Variants in IPO13 observed in about 807,000 individuals in gnomAD.
The protein encoded by IPO13 is importin-13.
Under a neutral mutation model 115.5 loss-of-function variants are expected in IPO13, and 28 were observed. The ratio of observed to expected loss-of-function variants is 0.24; its 90% CI spans 0.18 to 0.33. IPO13 has a LOEUF of 0.33. Ranked by LOEUF, IPO13 falls within the 10% of genes least tolerant of loss-of-function variation. The pLI is 1.00. For missense variants in IPO13, 785 were observed against 1,204.6 expected (o/e 0.65, Z 5.16); for synonymous variants, 414 against 478.9 (o/e 0.86, Z 1.77).
chr1:43,959,052 C>G (rs1223310008), intron 11 of IPO13, among the ~76,000 whole-genome samples, 163 bp downstream of exon 11: 1 of 152,198 alleles, frequency 6.6e-6, no homozygotes, highest in East Asian at 1.9e-4. Context: ...CATGAATGAC[C>G]TATAATTGCC....
rs370459141 is a variant in IPO13, at chr1:43,957,563, C to T, written c.1540+14C>T. 6 of 1,613,804 alleles carry T rather than the reference C, an allele frequency of 3.7e-6. No individual in the cohort carries two copies. The highest frequency in any genetic ancestry group is 2.2e-5 in the South Asian group (2 of 91,026). On this transcript the variant is annotated intron_variant, in intron 7 of 19. Coordinates refer to ENST00000372343, the MANE Select transcript of IPO13 (RefSeq NM_014652.4). ...TGTTCACCATTGGTGAGACCTGGCA[C>T]ACACCCATGACCATATTCCCAGAGC...
chr1:43,964,819 T>A (rs144962698), intron 15 of IPO13, among the ~76,000 whole-genome samples: 5 of 152,256 alleles, frequency 3.3e-5, no homozygotes, highest in African/African-American at 1.2e-4. Context: ...GTTGGAGAGG[T>A]TGAGCTGCTG....
chr1:43,956,998 C>T lies in IPO13; in HGVS notation c.1271+22C>T, dbSNP rs2085255361. Reference sequence around the variant, plus strand: ...ACAGGTGATGGTAGCAGGCCAACTCCTCTAAAATGGAGTCCAGAAATAATG... The same window carrying T: ...ACAGGTGATGGTAGCAGGCCAACTCTTCTAAAATGGAGTCCAGAAATAATG... On this transcript the variant is annotated intron_variant, in intron 5 of 19. Coordinates refer to ENST00000372343, the MANE Select transcript of IPO13 (RefSeq NM_014652.4). This position sits in a 1 kb window ranked among gnomAD's most constrained non-coding sequence, Gnocchi z 4.7. The T allele has an allele frequency of 6.2e-7, 1 of 1,610,764 alleles. No homozygotes were observed. The highest frequency in any genetic ancestry group is 8.5e-7 in the Non-Finnish European group (1 of 1,178,316).
At chr1:43,950,332 C>T (rs905438542) in intron 2 of IPO13, among the ~76,000 whole-genome samples, 179 bp downstream of exon 2, 6 of 152,228 alleles carry the variant, frequency 3.9e-5, no homozygotes, top group Non-Finnish European at 7.3e-5. Context: ...GGGAGGCAGA[C>T]ATTAAACAAC....
chr1:43,962,663 T>C (rs184256390), intron 14 of IPO13, among the ~76,000 whole-genome samples: 47 of 152,348 alleles, frequency 3.1e-4, no homozygotes, highest in African/African-American at 1.1e-3. Context: ...TGCCCTTTAC[T>C]GGGTGAACTC....
Position 43,967,391 on chromosome 1 carries a change from T to C in IPO13, c.2690T>C (p.Phe897Ser). ...DILFALNKHC[F>S]SLLSMWIKEA... ...CTGTTCGCCCTGAACAAGCACTGCT[T>C]CAGCCTCCTGAGCATGTGGATCAAG... is the stretch of plus-strand genomic sequence containing the variant. The change falls in exon 19 of 20, where the codon TTC becomes TCC. Residue 897 changes from phenylalanine (F) to serine (S), a missense_variant. Around this residue, in one of 3 missense-constraint regions of IPO13, gnomAD observed 285 missense variants for 394.8 expected, o/e 0.72. Coordinates refer to ENST00000372343, the MANE Select transcript of IPO13 (RefSeq NM_014652.4). The surrounding 1 kb of genome is among the most constrained non-coding windows in gnomAD (Gnocchi z 6.1). 1 of 1,614,158 alleles carries C rather than the reference T, an allele frequency of 6.2e-7. No homozygotes were observed. Among genetic ancestry groups the C allele is most frequent in the South Asian group, 1.1e-5 (1 of 91,092 alleles).
rs1211114233 is a variant in IPO13 at position 43,964,283 on chromosome 1, C to A, written c.2359C>A (p.Pro787Thr). Residue 787 changes from proline (P) to threonine (T), a missense_variant, in exon 15 of 20, where the codon CCT (proline) becomes ACT (threonine). Around this residue, in one of 3 missense-constraint regions of IPO13, gnomAD observed 285 missense variants for 394.8 expected, o/e 0.72. Transcript: ENST00000372343. ...TLFQQGPRDH[P>T]DIVDSFMQLL... ...TTATATTTTAGGGCCCAGGGATCATCCTGATATTGTTGATTCATTTATGCA... is the reference window on the plus strand; with the variant it reads ...TTATATTTTAGGGCCCAGGGATCATACTGATATTGTTGATTCATTTATGCA... 1 of 1,609,890 alleles carries A rather than the reference C, an allele frequency of 6.2e-7. No individual in the cohort carries two copies. Among genetic ancestry groups the A allele is most frequent in the Non-Finnish European group, 8.5e-7 (1 of 1,176,758 alleles).
chr1:43,956,535 T>C lies in IPO13; in HGVS notation c.963-25T>C, dbSNP rs1222348204. On this transcript the variant is annotated intron_variant, in intron 3 of 19. Coordinates refer to ENST00000372343, the MANE Select transcript of IPO13 (RefSeq NM_014652.4). The surrounding 1 kb of genome is among the most constrained non-coding windows in gnomAD (Gnocchi z 4.7). The stretch of plus-strand genomic sequence containing the variant: ...GGGGTTCTGGAAGTCCCTGGAAAGG[T>C]AGAATGACCTGACTCTCTCCCCAGG... 1.2e-6 allele frequency: 2 copies of C among 1,613,876 alleles called. No individual in the cohort carries two copies. The highest frequency in any genetic ancestry group is 2.7e-5 in the African/African-American group (2 of 74,862).
rs934546848 is a variant in IPO13 at position 43,947,266 on chromosome 1, C to G, written c.-335C>G. 2.5e-5 allele frequency: 10 copies of G among 398,950 alleles called. No individual in the cohort carries two copies. The highest frequency in any genetic ancestry group is 2.1e-4 in the African/African-American group (10 of 48,624). The allele number at this position is 398,950 out of a possible 1,614,324, so 24.7% of individuals were successfully genotyped here. A position where few individuals can be genotyped will look rare whatever the true frequency, so the allele number is the denominator to read the frequency against. On this transcript the variant is annotated 5_prime_UTR_variant, in exon 1 of 20. Coordinates refer to ENST00000372343, the MANE Select transcript of IPO13 (RefSeq NM_014652.4). ...CTCAAGAGCCAGGGACTCGGTTTCC[C>G]CCGCAGGCCTCCCTCCCCTGTGACT...
At chr1:43,963,436 C>T (rs1437266858) in intron 14 of IPO13, among the ~76,000 whole-genome samples, 1 of 152,232 alleles carries the variant, frequency 6.6e-6, no homozygotes, top group African/African-American at 2.4e-5. Context: ...CGGGCTCTGC[C>T]TTCCCACTGG....
chr1:43,955,294 G>A (rs1415493386), intron 2 of IPO13, among the ~76,000 whole-genome samples: 2 of 151,650 alleles, frequency 1.3e-5, no homozygotes, highest in South Asian at 2.1e-4. Flanking sequence ...GGGCTTATGA[G>A]CCTGTGTTTA....
In IPO13 at chr1:43,967,184, C is replaced by G; in HGVS notation, c.2614-131C>G. 3 of 1,131,018 alleles carry G rather than the reference C, an allele frequency of 2.7e-6. No homozygotes were observed. The highest frequency in any genetic ancestry group is 3.9e-6 in the Non-Finnish European group (3 of 764,532). The allele number at this position is 1,131,018 out of a possible 1,614,324, so 70.1% of individuals were successfully genotyped here. ...TAGGATTGCTGTGGGGATCAGCTGG[C>G]TCTCAAAAAGCAGCGCTCACTGTGA... On this transcript the variant is annotated intron_variant, in intron 18 of 19. Transcript: ENST00000372343. The surrounding 1 kb of genome is among the most constrained non-coding windows in gnomAD (Gnocchi z 6.1).
At position 43,958,323 on chromosome 1, in the gene IPO13, T is replaced by A. The variant is rs2085265719; in HGVS notation, c.1749+55T>A. On this transcript the variant is annotated intron_variant, in intron 9 of 19. Transcript: ENST00000372343. This position sits in a 1 kb window ranked among gnomAD's most constrained non-coding sequence, Gnocchi z 6.3. ...TTGGAGGTCTTGTGGGAATCACTTA[T>A]CCCTGAAATCCTGTTTTTTGGCCTT... 2 of 1,611,978 alleles carry A rather than the reference T, an allele frequency of 1.2e-6. No homozygotes were observed. The highest frequency in any genetic ancestry group is 1.7e-6 in the Non-Finnish European group (2 of 1,178,108).
intron 1 of IPO13, 117 bp downstream of exon 1, chr1:43,947,801 C>T: frequency 2.1e-6 from 1 of 483,000 alleles, no homozygotes; most frequent in Non-Finnish European, 3.4e-6. Context: ...CCCAGAGCAC[C>T]TGGCATTTGC....
chr1:43,959,042 C>T (rs12045544), intron 11 of IPO13, among the ~76,000 whole-genome samples, 153 bp downstream of exon 11: 8,872 of 152,260 alleles, frequency 0.058, 351 homozygotes, highest in East Asian at 0.094. Flanking sequence ...CCTCTGACTC[C>T]ATGAATGACC....
In IPO13 at chr1:43,958,867, C is replaced by T; in HGVS notation, c.2006C>T (p.Pro669Leu). The T allele has an allele frequency of 1.2e-6, 2 of 1,614,130 alleles. No individual in the cohort carries two copies. Among genetic ancestry groups the T allele is most frequent in the South Asian group, 2.2e-5 (2 of 91,082 alleles). Residue 669 changes from proline to leucine, a missense_variant, in exon 11 of 20, where the codon CCA becomes CTA. By Grantham distance (98) the Pro-to-Leu change is moderately conservative (BLOSUM62 -3). This residue lies in a region of IPO13 where 285 missense variants were observed against 394.8 expected (regional missense o/e 0.72). Coordinates refer to ENST00000372343, the MANE Select transcript of IPO13 (RefSeq NM_014652.4). This position sits in a 1 kb window ranked among gnomAD's most constrained non-coding sequence, Gnocchi z 6.3. The part of the protein sequence containing the change: ...DHEGPELRKL[P>L]VPQGPNPVVV... ...GAAGGCCCTGAGCTTCGGAAGCTGC[C>T]AGTGCCACAGGGACCCAACCCCGTG...
chr1:43,959,157 C>G (rs941385473), intron 11 of IPO13, among the ~76,000 whole-genome samples: 1 of 152,178 alleles, frequency 6.6e-6, no homozygotes, highest in African/African-American at 2.4e-5. Flanking sequence ...ATTGAGATTC[C>G]TCAGCCCCAT....
At chr1:43,955,751 A>T (rs141057238) in intron 2 of IPO13, among the ~76,000 whole-genome samples, 1 of 152,300 alleles carries the variant, frequency 6.6e-6, no homozygotes, top group South Asian at 2.1e-4. Flanking sequence ...GGGGATTAAG[A>T]TTTATCAAAA....
At position 43,967,869 on chromosome 1, in the gene IPO13, G is replaced by C. The variant is rs989508728; in HGVS notation, c.*187G>C. 2 of 624,350 alleles carry C rather than the reference G, an allele frequency of 3.2e-6. No homozygotes were observed. The highest frequency in any genetic ancestry group is 3.7e-5 in the African/African-American group (2 of 54,436). 38.7% of individuals were successfully genotyped at this position (624,350 alleles called of 1,614,324 possible). A position where few individuals can be genotyped will look rare whatever the true frequency, so the allele number is the denominator to read the frequency against. ...ACCCAGGCCTTGGGAGGGAATGGTGGGAACATCCTCTAGCTCCCAGGTTGG... is the reference window on the plus strand; with the variant it reads ...ACCCAGGCCTTGGGAGGGAATGGTGCGAACATCCTCTAGCTCCCAGGTTGG... On this transcript the variant is annotated 3_prime_UTR_variant, in exon 20 of 20. Transcript: ENST00000372343. The surrounding 1 kb of genome is among the most constrained non-coding windows in gnomAD (Gnocchi z 6.1).
Sources: gnomAD v4.1 joint callset for allele counts (sites outside exome capture counted in the v4.1 genomes callset) on GRCh38, gnomAD v4.1.1 for gene constraint, gnomAD v4.1.1 regional missense constraint, Gnocchi (gnomAD v3.1) non-coding constraint, MANE v1.5 for transcripts, NCBI Gene and HGNC (gene_info 2026-07-23, HGNC 2026-07-21) for gene names.